The following KDM4C variants were observed in gnomAD, a reference collection of about 807,000 sequenced individuals.
The protein encoded by KDM4C is lysine demethylase 4C.
Under a neutral mutation model 129.3 loss-of-function variants are expected in KDM4C, and 81 were observed. The observed-to-expected ratio is 0.63, with a 90% CI of 0.52 to 0.75. The LOEUF is 0.75. Among genes scored for constraint, KDM4C ranks in the 30% least tolerant of loss-of-function variants. The pLI is 0.00. For synonymous variants in KDM4C, 573 were observed against 456.1 expected, an observed-to-expected ratio of 1.26 and a Z score of -3.26; for missense variants, 1,457 against 1,304.0, an observed-to-expected ratio of 1.12 and a Z score of -1.81.
chr9:7,158,923 C>CT (rs1023349949), intron 19 of KDM4C, among the ~76,000 whole-genome samples: 11 of 152,104 alleles, frequency 7.2e-5, no homozygotes, highest in African/African-American at 2.7e-4. Flanking sequence ...GTTGATCTGT[C>CT]TAATATTGAC....
rs768184146 is a variant in KDM4C at position 7,011,736 on chromosome 9, G to A, written c.1825G>A (p.Glu609Lys). The change falls in exon 13 of 22, where the codon GAA becomes AAA. Residue 609 changes from glutamate to lysine, a missense_variant. Physicochemically the swap from Glu to Lys is moderately conservative, Grantham distance 56. Coordinates refer to ENST00000381309, the MANE Select transcript of KDM4C (RefSeq NM_015061.6). ...TCTGTCCATTGAGGAGGAAGTGGAAGAAACAGAGTCTTGGGCGAAACCTCT... is the reference window on the plus strand; with the variant it reads ...TCTGTCCATTGAGGAGGAAGTGGAAAAAACAGAGTCTTGGGCGAAACCTCT... ...EVLSIEEEVE[E>K]TESWAKPLIH... 1 of 1,614,036 alleles carries A rather than the reference G, an allele frequency of 6.2e-7. No homozygotes were observed. The highest frequency in any genetic ancestry group is 8.5e-7 in the Non-Finnish European group (1 of 1,180,006).
chr9:7,055,843 A>G lies in KDM4C; in HGVS notation c.2424+6643A>G, dbSNP rs531188984. On this transcript the variant is annotated intron_variant, in intron 17 of 21. Transcript: ENST00000381309. ...CAGAGTTCTATTTAGTTAATGTTACAGCAATGTTCGTGAGCAACTTGGCTT... is the reference window on the plus strand; with the variant it reads ...CAGAGTTCTATTTAGTTAATGTTACGGCAATGTTCGTGAGCAACTTGGCTT... 2.0e-5 allele frequency among the ~76,000 whole-genome samples: 3 copies of G among 152,340 alleles called. No homozygotes were observed. In the South Asian group the frequency reaches 6.2e-4, roughly 32 times the overall value.
At chr9:7,156,321 G>A (rs547924459) in intron 19 of KDM4C, among the ~76,000 whole-genome samples, 1 of 152,234 alleles carries the variant, frequency 6.6e-6, no homozygotes, top group East Asian at 1.9e-4. Flanking sequence ...CACTCTAATG[G>A]TAGTTTCTTT....
At chr9:7,134,242 G>C (rs1388077009) in intron 19 of KDM4C, among the ~76,000 whole-genome samples, 2 of 152,230 alleles carry the variant, frequency 1.3e-5, no homozygotes, top group African/African-American at 4.8e-5. Context: ...GAATCCGTGA[G>C]ATGAAAGGCT....
intron 8 of KDM4C, among the ~76,000 whole-genome samples, chr9:6,961,960 C>T (rs1426623191): frequency 6.6e-6 from 1 of 152,126 alleles, no homozygotes; most frequent in Non-Finnish European, 1.5e-5. Context: ...TGCCTGCTGG[C>T]CTTCACAAGT....
chr9:6,747,470 C>G (rs1588060804), intron 1 of KDM4C, among the ~76,000 whole-genome samples: 1 of 145,768 alleles, frequency 6.9e-6, no homozygotes, highest in African/African-American at 2.6e-5. Context: ...ATAGTGTGAA[C>G]TCAGGAGGCA....
At chr9:6,806,230 C>G (rs555858513) in intron 3 of KDM4C, among the ~76,000 whole-genome samples, 1 of 152,134 alleles carries the variant, frequency 6.6e-6, no homozygotes, top group African/African-American at 2.4e-5. Flanking sequence ...CATGGTGGCT[C>G]ATGCCTGTAA....
intron 17 of KDM4C, among the ~76,000 whole-genome samples, chr9:7,080,737 G>T (rs1048211419): frequency 2.0e-5 from 3 of 152,154 alleles, no homozygotes; most frequent in Non-Finnish European, 4.4e-5. Context: ...GGAATTCTAT[G>T]CTGGGAAATA....
chr9:6,967,636 C>A (rs536836008), intron 8 of KDM4C, among the ~76,000 whole-genome samples: 7 of 152,186 alleles, frequency 4.6e-5, no homozygotes, highest in South Asian at 2.1e-4. Flanking sequence ...AGGCAGGGGG[C>A]TCACCTGCAC....
intron 17 of KDM4C, among the ~76,000 whole-genome samples, chr9:7,061,292 T>C (rs1420937577): frequency 6.6e-6 from 1 of 152,200 alleles, no homozygotes. Context: ...CTCAAGATAT[T>C]CAGATACACC....
At chr9:6,857,136 G>A (rs10975857) in intron 5 of KDM4C, among the ~76,000 whole-genome samples, 1 of 152,006 alleles carries the variant, frequency 6.6e-6, no homozygotes, top group Non-Finnish European at 1.5e-5. Context: ...TGGGATTATA[G>A]GCATGAGCCA....
intron 4 of KDM4C, among the ~76,000 whole-genome samples, chr9:6,829,610 A>G (rs999603867): frequency 1.3e-5 from 2 of 152,218 alleles, no homozygotes; most frequent in African/African-American, 4.8e-5. Flanking sequence ...ACTTAGTGGC[A>G]GAGCTGGGAG....
intron 4 of KDM4C, among the ~76,000 whole-genome samples, chr9:6,848,912 A>G (rs1838338752): frequency 6.6e-6 from 1 of 152,252 alleles, no homozygotes; most frequent in Non-Finnish European, 1.5e-5. Flanking sequence ...AAGCATCAGT[A>G]GAAGCACAGT....
At chr9:7,036,663 A>G (rs1313900147) in intron 15 of KDM4C, among the ~76,000 whole-genome samples, 2 of 152,214 alleles carry the variant, frequency 1.3e-5, no homozygotes, top group African/African-American at 2.4e-5. Context: ...AAATTTCTGT[A>G]ATGCAAAAAA....
chr9:6,894,145 C>T (rs1846495914), intron 8 of KDM4C, among the ~76,000 whole-genome samples: 1 of 152,176 alleles, frequency 6.6e-6, no homozygotes, highest in African/African-American at 2.4e-5. Context: ...TGAACGTAGA[C>T]AGAAGTATAT....
At chr9:6,806,178 G>C (rs999415587) in intron 3 of KDM4C, among the ~76,000 whole-genome samples, 1 of 152,078 alleles carries the variant, frequency 6.6e-6, no homozygotes, top group Non-Finnish European at 1.5e-5. Flanking sequence ...CATTGCATTA[G>C]TTATTTATTG....
In KDM4C at chr9:6,741,975, T is replaced by A. The variant is rs185300417; in HGVS notation, c.49+20978T>A. On this transcript the variant is annotated intron_variant, in intron 1 of 17. Transcript: ENST00000536108. ...CAATAATAAAATGTTTTTATTTATT[T>A]ATTAATTTTTTTTTGGAGACGGAGT... Among the ~76,000 whole-genome samples the A allele has an allele frequency of 1.2e-3, 179 of 152,098 alleles. 1 individual carries two copies. Among genetic ancestry groups the A allele is most frequent in the Non-Finnish European group, 2.0e-3 (139 of 68,010 alleles).
chr9:6,919,293 T>TTCTTTCTGTCTC (rs1821001606), intron 8 of KDM4C, among the ~76,000 whole-genome samples: 1 of 151,074 alleles, frequency 6.6e-6, no homozygotes, highest in Non-Finnish European at 1.5e-5. Flanking sequence ...CTCTCTTTCT[T>TTCTTTCTGTCTC]TCTTTCTTTC....
intron 8 of KDM4C, among the ~76,000 whole-genome samples, chr9:6,930,000 G>A (rs1823375641): frequency 6.6e-6 from 1 of 152,112 alleles, no homozygotes; most frequent in Non-Finnish European, 1.5e-5. Flanking sequence ...GGGTCTTTGG[G>A]ATATTAGTCT....
Sources: gnomAD v4.1 joint callset for allele counts (sites outside exome capture counted in the v4.1 genomes callset) on GRCh38, gnomAD v4.1.1 for gene constraint, MANE v1.5 for transcripts, NCBI Gene and HGNC (gene_info 2026-07-23, HGNC 2026-07-21) for gene names.